Variants in TRIM2 observed in about 807,000 individuals in gnomAD.
TRIM2 encodes the protein tripartite motif-containing protein 2.
In TRIM2, 20 loss-of-function variants were observed where a neutral mutation model predicts 75.2. The ratio of observed to expected loss-of-function variants is 0.27; its 90% CI spans 0.19 to 0.39. The LOEUF is 0.39. Among genes scored for constraint, TRIM2 ranks in the 10% least tolerant of loss-of-function variants. The pLI is 1.00. For synonymous variants in TRIM2, 373 were observed against 388.3 expected, an observed-to-expected ratio of 0.96 and a Z score of 0.46; for missense variants, 660 against 990.8, an observed-to-expected ratio of 0.67 and a Z score of 4.48.
At chr4:153,188,571 C>T (rs1732857848) in intron 1 of TRIM2, among the ~76,000 whole-genome samples, 1 of 152,156 alleles carries the variant, frequency 6.6e-6, no homozygotes, top group African/African-American at 2.4e-5. Context: ...ACCCATGCCC[C>T]AAGGCACCCA....
chr4:153,246,191 T>G (rs1749093904), intron 1 of TRIM2, among the ~76,000 whole-genome samples: 1 of 152,258 alleles, frequency 6.6e-6, no homozygotes, highest in African/African-American at 2.4e-5. Context: ...AAGCATCTTT[T>G]GGGCATTGTT....
At chr4:153,189,748 T>A (rs1294189564) in intron 1 of TRIM2, among the ~76,000 whole-genome samples, 1 of 152,236 alleles carries the variant, frequency 6.6e-6, no homozygotes, top group African/African-American at 2.4e-5. Flanking sequence ...TGTAGCCACC[T>A]GCGGTTTATT....
intron 1 of TRIM2, among the ~76,000 whole-genome samples, chr4:153,232,530 T>TA (rs1190671242): frequency 1.3e-5 from 2 of 150,902 alleles, no homozygotes; most frequent in East Asian, 2.0e-4. Flanking sequence ...TTTTCAAAAA[T>TA]AAAAAAAATT....
At chr4:153,184,325 C>A (rs1732374848) in intron 1 of TRIM2, among the ~76,000 whole-genome samples, 2 of 152,130 alleles carry the variant, frequency 1.3e-5, no homozygotes, top group African/African-American at 4.8e-5. Context: ...GCTTACATGG[C>A]CTTTCCTTGA....
At chr4:153,180,566 C>T (rs1416860452) in intron 1 of TRIM2, among the ~76,000 whole-genome samples, 1 of 152,240 alleles carries the variant, frequency 6.6e-6, no homozygotes, top group Non-Finnish European at 1.5e-5. Flanking sequence ...CAAACTCCAC[C>T]TCCCGGGTTC....
chr4:153,263,223 G>A (rs1304129282), intron 1 of TRIM2, among the ~76,000 whole-genome samples: 1 of 152,114 alleles, frequency 6.6e-6, no homozygotes, highest in Non-Finnish European at 1.5e-5. Context: ...CAGCTACTTG[G>A]GAGGCTAAGG....
Position 153,244,304 on chromosome 4 carries a change from C to T in TRIM2, c.31-26031C>T, listed in dbSNP as rs1191340811. 1.1e-3 allele frequency among the ~76,000 whole-genome samples: 47 copies of T among 41,706 alleles called. 1 individual carries two copies. Among genetic ancestry groups the T allele is most frequent in the African/African-American group, 5.8e-3 (36 of 6,168 alleles). 27.4% of individuals were successfully genotyped at this position (41,706 alleles called of 152,430 possible). On this transcript the variant is annotated intron_variant, in intron 1 of 11. Transcript: ENST00000338700. ...CCTCCTCCTCCTCCTCCTCCTCCTC[C>T]TCCTCCTCCTCCTCCTCTTCTTCTT...
At chr4:153,244,153 G>GTTCTTCTTCTTCTTC (rs751441750) in intron 1 of TRIM2, among the ~76,000 whole-genome samples, 1 of 111,298 alleles carries the variant, frequency 9.0e-6, no homozygotes, top group African/African-American at 3.3e-5. Flanking sequence ...TGTTCTTCTT[G>GTTCTTCTTCTTCTTC]TTCTTCTTCT....
upstream of TRIM2, among the ~76,000 whole-genome samples, chr4:153,199,625 C>T (rs923161491): frequency 1.3e-5 from 2 of 152,228 alleles, no homozygotes; most frequent in Middle Eastern, 3.4e-3. Context: ...AAACAGCATT[C>T]TTCCTTACCT....
At chr4:153,276,255 A>G in intron 3 of TRIM2, 125 bp downstream of exon 3, 1 of 808,516 alleles carries the variant, frequency 1.2e-6, no homozygotes, top group East Asian at 2.5e-5. Flanking sequence ...TAATTAAAAA[A>G]GATTTTTACC....
At chr4:153,328,259 T>C (rs558437006) in intron 10 of TRIM2, among the ~76,000 whole-genome samples, 1 of 152,332 alleles carries the variant, frequency 6.6e-6, no homozygotes, top group East Asian at 1.9e-4. Context: ...CAGTATTTTA[T>C]AACAAAGGTA....
At chr4:153,273,442 A>ATT (rs11459214) in intron 2 of TRIM2, among the ~76,000 whole-genome samples, 2,333 of 77,592 alleles carry the variant, frequency 0.03, 215 homozygotes, top group African/African-American at 0.12. Context: ...CGCCCGGCTA[A>ATT]TTTTTTTTTT....
At chr4:153,230,477 C>T (rs762470895) in intron 1 of TRIM2, among the ~76,000 whole-genome samples, 1 of 152,188 alleles carries the variant, frequency 6.6e-6, no homozygotes, top group Non-Finnish European at 1.5e-5. Context: ...GCCACTGCAC[C>T]CAGCCCATGT....
intron 3 of TRIM2, 160 bp downstream of exon 3, chr4:153,276,290 T>C: frequency 1.6e-6 from 1 of 630,282 alleles, no homozygotes. Context: ...CTGCTCACTT[T>C]CTTTGACCAG....
chr4:153,184,532 CAT>C (rs1336328267), intron 1 of TRIM2, among the ~76,000 whole-genome samples: 2 of 152,132 alleles, frequency 1.3e-5, no homozygotes, highest in Non-Finnish European at 2.9e-5. Flanking sequence ...ACATTCGGTT[CAT>C]AACAAGTAGG....
In TRIM2 at chr4:153,337,875, C is replaced by A; in HGVS notation, c.*2909C>A. ...CCGGTTGGGATTTCAAGGTCAGTGA[C>A]GACGCATTTCCTCCCAGTACAGACC... On this transcript the variant is annotated 3_prime_UTR_variant, in exon 12 of 12. Transcript: ENST00000338700. 1 of 985,734 alleles carries A rather than the reference C, an allele frequency of 1.0e-6. No homozygotes were observed. The highest frequency in any genetic ancestry group is 1.2e-6 in the Non-Finnish European group (1 of 829,922). The allele number at this position is 985,734 out of a possible 1,614,324, so 61.1% of individuals were successfully genotyped here.
chr4:153,275,627 T>G (rs1228114999), intron 2 of TRIM2, among the ~76,000 whole-genome samples: 2 of 152,228 alleles, frequency 1.3e-5, no homozygotes, highest in Non-Finnish European at 2.9e-5. Context: ...ACGCTGCTCA[T>G]CCATGGACCA....
At chr4:153,302,013 G>GA (rs1764016909) in intron 6 of TRIM2, among the ~76,000 whole-genome samples, 1 of 152,094 alleles carries the variant, frequency 6.6e-6, no homozygotes, top group African/African-American at 2.4e-5. Context: ...CTATTTCTGT[G>GA]AAAAAATGTC....
Position 153,293,123 on chromosome 4 carries a change from G to A in TRIM2, c.595G>A (p.Val199Ile), listed in dbSNP as rs746671207. The A allele has an allele frequency of 1.2e-6, 2 of 1,605,880 alleles. No homozygotes were observed. Among genetic ancestry groups the A allele is most frequent in the African/African-American group, 1.3e-5 (1 of 74,938 alleles). The change falls in exon 4 of 12, where the codon GTC becomes ATC. Residue 199 changes from valine (V) to isoleucine (I), a missense_variant. Val to Ile is a conservative substitution (Grantham distance 29). Transcript: ENST00000338700. ...CTCGCTCCAGGTCCAGCTGGATGCTGTCAACAAAAGGTGGGGGACCCCTCC... is the reference window on the plus strand; with the variant it reads ...CTCGCTCCAGGTCCAGCTGGATGCTATCAACAAAAGGTGGGGGACCCCTCC... ...KASLQVQLDA[V>I]NKRLPEIDSA...
Sources: allele counts gnomAD v4.1 joint callset (sites outside exome capture counted in the v4.1 genomes callset), GRCh38; gene constraint gnomAD v4.1.1; transcripts MANE v1.5; gene names NCBI Gene and HGNC (gene_info 2026-07-23, HGNC 2026-07-21).